Variants in PDE8A observed in about 807,000 individuals in gnomAD.
PDE8A encodes the protein high affinity cAMP-specific and IBMX-insensitive 3',5'-cyclic phosphodiesterase 8A.
PDE8A carries 59 observed loss-of-function variants against 105.0 expected under a neutral mutation model. The ratio of observed to expected loss-of-function variants is 0.56; its 90% CI spans 0.46 to 0.70. PDE8A has a LOEUF of 0.70. Among genes scored for constraint, PDE8A ranks in the 30% least tolerant of loss-of-function variants. PDE8A has a pLI of 0.00. For missense variants in PDE8A, 1,014 were observed against 1,045.9 expected, an observed-to-expected ratio of 0.97 and a Z score of 0.42; for synonymous variants, 355 against 371.9, an observed-to-expected ratio of 0.95 and a Z score of 0.52.
chr15:85,123,936 T>A (rs947085116), intron 19 of PDE8A, among the ~76,000 whole-genome samples: 13 of 152,106 alleles, frequency 8.5e-5, no homozygotes, highest in African/African-American at 2.9e-4. Context: ...CTCACTAATA[T>A]CCCCCTCCCT....
In PDE8A at chr15:85,091,167, A is replaced by G. The variant is rs758838663; in HGVS notation, c.838A>G (p.Ile280Val). Residue 280 changes from isoleucine to valine, a missense_variant, in exon 8 of 22, where the codon ATC (isoleucine) becomes GTC (valine). Physicochemically the swap from Ile to Val is conservative, Grantham distance 29 (BLOSUM62 3). Coordinates refer to ENST00000394553, the MANE Select transcript of PDE8A (RefSeq NM_002605.3). ...ADLLDTINSC[I>V]RIGKEWQGIY... ...CTTGCTCGATACTATAAATTCATGCATCAGGATAGGCAAGGTAAGTAAGAG... is the reference window on the plus strand; with the variant it reads ...CTTGCTCGATACTATAAATTCATGCGTCAGGATAGGCAAGGTAAGTAAGAG... The G allele has an allele frequency of 1.2e-6, 2 of 1,610,884 alleles. No homozygotes were observed. The highest frequency in any genetic ancestry group is 2.2e-5 in the South Asian group (2 of 90,722).
intron 1 of PDE8A, among the ~76,000 whole-genome samples, chr15:85,014,033 C>T (rs1213168162): frequency 1.3e-5 from 2 of 152,196 alleles, no homozygotes. Context: ...ATTGTCAGTT[C>T]CACTGTATTT....
intron 8 of PDE8A, among the ~76,000 whole-genome samples, chr15:85,092,458 T>C (rs1010177494): frequency 4.6e-5 from 7 of 151,920 alleles, no homozygotes; most frequent in African/African-American, 1.7e-4. Context: ...AGGGCAAGTA[T>C]TCCTTTCCAT....
chr15:85,081,001 CACTA>C (rs1166582704), intron 5 of PDE8A, among the ~76,000 whole-genome samples: 1 of 152,176 alleles, frequency 6.6e-6, no homozygotes, highest in Non-Finnish European at 1.5e-5. Flanking sequence ...CCTCAGAGAC[CACTA>C]ACTAATTAGT....
intron 14 of PDE8A, 83 bp from the exon 15 acceptor site, chr15:85,115,356 C>T: frequency 1.2e-6 from 1 of 865,050 alleles, no homozygotes; most frequent in South Asian, 1.5e-5. Context: ...CCTGAGTTGT[C>T]CTGTGGGAGG....
intron 1 of PDE8A, among the ~76,000 whole-genome samples, chr15:84,992,412 A>G (rs1274036279): frequency 2.0e-5 from 3 of 152,186 alleles, no homozygotes; most frequent in Non-Finnish European, 4.4e-5. Flanking sequence ...GAGGAGGCTG[A>G]CCAGAGATAG....
rs1459008282 is a variant in PDE8A at position 85,138,255 on chromosome 15, C to G, written c.*352C>G. The G allele has an allele frequency of 5.3e-6, 1 of 186,964 alleles. No homozygotes were observed. Among genetic ancestry groups the G allele is most frequent in the Non-Finnish European group, 1.1e-5 (1 of 90,456 alleles). 11.6% of individuals were successfully genotyped at this position (186,964 alleles called of 1,614,324 possible). A position where few individuals can be genotyped will look rare whatever the true frequency, so the allele number is the denominator to read the frequency against. Reference sequence around the variant, plus strand: ...CAGAGCATGTCTATTGCAAACAATTCTCTCAGTTACGTTCAGCACTTAAGA... The same window carrying G: ...CAGAGCATGTCTATTGCAAACAATTGTCTCAGTTACGTTCAGCACTTAAGA... On this transcript the variant is annotated 3_prime_UTR_variant, in exon 22 of 22. Transcript: ENST00000394553.
At chr15:85,046,780 C>A in intron 1 of PDE8A, among the ~76,000 whole-genome samples, 1 of 152,124 alleles carries the variant, frequency 6.6e-6, no homozygotes, top group East Asian at 1.9e-4. Flanking sequence ...TTCTCACCCA[C>A]CCCTAATCAA....
At chr15:84,982,943 G>A (rs891141710) in intron 1 of PDE8A, among the ~76,000 whole-genome samples, 7 of 152,224 alleles carry the variant, frequency 4.6e-5, no homozygotes, top group African/African-American at 1.7e-4. Context: ...TAAAGCATAT[G>A]TAATTAGAAA....
Position 85,064,374 on chromosome 15 carries a change from C to T in PDE8A, c.191C>T (p.Ala64Val). ...AAGCCAATCTCTTTCTTACAGGTAGCAGTAGCTGATGTGCAGTTTGGCCCC... is the reference window on the plus strand; with the variant it reads ...AAGCCAATCTCTTTCTTACAGGTAGTAGTAGCTGATGTGCAGTTTGGCCCC... ...ELRDGSGKKVAVADVQFGPMR... is the reference protein window; with the variant it reads ...ELRDGSGKKVVVADVQFGPMR... Residue 64 changes from alanine (A) to valine (V), a missense_variant, in exon 2 of 22, where the codon GCA (alanine) becomes GTA (valine). Transcript: ENST00000394553. 6.2e-7 allele frequency: 1 copy of T among 1,604,606 alleles called. No homozygotes were observed. The highest frequency in any genetic ancestry group is 8.5e-7 in the Non-Finnish European group (1 of 1,172,072).
intron 1 of PDE8A, among the ~76,000 whole-genome samples, chr15:85,047,470 A>AC (rs897298239): frequency 6.6e-6 from 1 of 152,170 alleles, no homozygotes; most frequent in Non-Finnish European, 1.5e-5. Context: ...AGCCGGATAT[A>AC]CCCCGTAGAC....
At chr15:84,993,765 C>G (rs1487201060) in intron 1 of PDE8A, among the ~76,000 whole-genome samples, 2 of 151,966 alleles carry the variant, frequency 1.3e-5, no homozygotes, top group African/African-American at 2.4e-5. Context: ...GTGGTGCACA[C>G]CTGTAATCCC....
chr15:85,030,329 G>A lies in PDE8A; in HGVS notation c.187-34041G>A, dbSNP rs182300733. Among the ~76,000 whole-genome samples, 430 of 151,994 alleles carry A rather than the reference G, an allele frequency of 2.8e-3. 1 individual carries two copies. Among genetic ancestry groups the A allele is most frequent in the South Asian group, 7.3e-3 (35 of 4,808 alleles). On this transcript the variant is annotated intron_variant, in intron 1 of 21. Transcript: ENST00000394553. ...CGTAGCCTCCATTGAATCTGGCCCAGTTTGGTATGATCTCCTAGCCACAGC... is the reference window on the plus strand; with the variant it reads ...CGTAGCCTCCATTGAATCTGGCCCAATTTGGTATGATCTCCTAGCCACAGC...
chr15:85,105,549 T>A (rs12910060), intron 11 of PDE8A, among the ~76,000 whole-genome samples: 2 of 152,086 alleles, frequency 1.3e-5, no homozygotes, highest in South Asian at 4.2e-4. Flanking sequence ...TGATTGGTTA[T>A]CCTCTCTCAT....
intron 1 of PDE8A, among the ~76,000 whole-genome samples, chr15:85,046,780 C>G (rs1373612687): frequency 6.6e-6 from 1 of 152,124 alleles, no homozygotes; most frequent in African/African-American, 2.4e-5. Context: ...TTCTCACCCA[C>G]CCCTAATCAA....
intron 1 of PDE8A, among the ~76,000 whole-genome samples, chr15:85,059,762 C>G (rs1022260372): frequency 2.0e-5 from 3 of 152,196 alleles, no homozygotes; most frequent in Admixed American, 2.0e-4. Context: ...CTGCCAATCT[C>G]TGTCTTTTGA....
intron 6 of PDE8A, among the ~76,000 whole-genome samples, chr15:85,086,744 T>C (rs2081559145): frequency 6.6e-6 from 1 of 152,104 alleles, no homozygotes; most frequent in Non-Finnish European, 1.5e-5. Context: ...TTTTGCTTTT[T>C]TTATTTTTTA....
intron 20 of PDE8A, among the ~76,000 whole-genome samples, chr15:85,128,430 G>C (rs1201892664): frequency 6.6e-6 from 1 of 152,166 alleles, no homozygotes; most frequent in Admixed American, 6.5e-5. Context: ...CTCAGAGGTT[G>C]AGGCTGCAGT....
chr15:85,001,031 A>G (rs541621400), intron 1 of PDE8A, among the ~76,000 whole-genome samples: 1 of 152,230 alleles, frequency 6.6e-6, no homozygotes, highest in East Asian at 1.9e-4. Flanking sequence ...TCCCCTGTCT[A>G]ACACCCCCTG....
Sources: gnomAD v4.1 joint callset for allele counts (sites outside exome capture counted in the v4.1 genomes callset) on GRCh38, gnomAD v4.1.1 for gene constraint, MANE v1.5 for transcripts, NCBI Gene and HGNC (gene_info 2026-07-23, HGNC 2026-07-21) for gene names.